The following NUMA1 variants were observed in gnomAD, a reference collection of about 807,000 sequenced individuals.
NUMA1 encodes the protein SP-H antigen.
In NUMA1, 62 loss-of-function variants were observed where a neutral mutation model predicts 237.1. The ratio of observed to expected loss-of-function variants is 0.26; its 90% CI spans 0.21 to 0.32. The LOEUF (loss-of-function observed/expected upper bound fraction) is 0.32. Among genes scored for constraint, NUMA1 ranks in the 10% least tolerant of loss-of-function variants. The pLI is 1.00. For synonymous variants in NUMA1, 1,028 were observed against 1,066.1 expected (o/e 0.96, Z 0.70); for missense variants, 2,533 against 2,666.5 (o/e 0.95, Z 1.10).
chr11:72,033,529 C>T (rs1377453943), intron 3 of NUMA1, among the ~76,000 whole-genome samples: 2 of 152,066 alleles, frequency 1.3e-5, no homozygotes, highest in Non-Finnish European at 2.9e-5. Context: ...CACACCACCA[C>T]ACCCAGCTAA....
chr11:72,073,294 G>A (rs952854068), intron 1 of NUMA1, among the ~76,000 whole-genome samples: 5 of 147,412 alleles, frequency 3.4e-5, no homozygotes, highest in South Asian at 2.1e-4. Context: ...GTGACAGAGC[G>A]AGACCCTGTC....
chr11:72,002,902 AT>A lies in NUMA1; in HGVS notation c.*624del, dbSNP rs1955356167. ...ATAGACTTTATTTACAAGTAATAAC[AT>A]TTAGAAAAGATCCATCCCCGGCCCT... On this transcript the variant is annotated 3_prime_UTR_variant, in exon 27 of 27. Transcript: ENST00000393695. 8.7e-6 allele frequency: 2 copies of A among 229,286 alleles called. No homozygotes were observed. Among genetic ancestry groups the A allele is most frequent in the East Asian group, 1.2e-4 (2 of 16,066 alleles). 14.2% of individuals were successfully genotyped at this position (229,286 alleles called of 1,614,324 possible).
intron 9 of NUMA1, 106 bp from the exon 10 acceptor site, chr11:72,019,086 G>GC: frequency 7.9e-7 from 1 of 1,259,792 alleles, no homozygotes; most frequent in Non-Finnish European, 1.1e-6. Flanking sequence ...CGCACTAGCA[G>GC]CTGGGAGGCC....
chr11:72,046,681 C>T (rs1157487803), intron 2 of NUMA1, among the ~76,000 whole-genome samples: 1 of 151,962 alleles, frequency 6.6e-6, no homozygotes, highest in Non-Finnish European at 1.5e-5. Flanking sequence ...GTAGGGAGGG[C>T]TGGGCACAGT....
chr11:72,073,306 CAA>C (rs58179034), intron 1 of NUMA1, among the ~76,000 whole-genome samples: 44 of 69,212 alleles, frequency 6.4e-4, no homozygotes, highest in East Asian at 1.4e-3. Flanking sequence ...GACCCTGTCT[CAA>C]AAAAAAAAAA....
intron 2 of NUMA1, chr11:72,040,746 A>C (rs1199241063): frequency 6.6e-6 from 1 of 152,154 alleles, no homozygotes; most frequent in Non-Finnish European, 1.5e-5. Context: ...TTTGCTCTGA[A>C]AGGCGCCAAC....
rs1329041973 is a variant in NUMA1, at chr11:72,063,510, G to A, written c.-33+6332C>T. ...GGAGTTCAAGACCAGCAATCTTCTCGCCTCAGCCTCCCAAAGTGCTGGTGC... is the reference window on the plus strand; with the variant it reads ...GGAGTTCAAGACCAGCAATCTTCTCACCTCAGCCTCCCAAAGTGCTGGTGC... On this transcript the variant is annotated intron_variant, in intron 2 of 26. Transcript: ENST00000393695. Among the ~76,000 whole-genome samples, 11 of 149,644 alleles carry A rather than the reference G, an allele frequency of 7.4e-5. 1 individual carries two copies. The highest frequency in any genetic ancestry group is 1.6e-4 in the Non-Finnish European group (11 of 67,750).
At chr11:72,052,218 G>C (rs554851243) in intron 2 of NUMA1, among the ~76,000 whole-genome samples, 1 of 152,286 alleles carries the variant, frequency 6.6e-6, no homozygotes, top group African/African-American at 2.4e-5. Flanking sequence ...TTCATGGAAA[G>C]ATTTCAGAAC....
intron 2 of NUMA1, chr11:72,068,622 A>G (rs547208): frequency 0.89 from 133,011 of 150,226 alleles, 59,150 homozygotes; most frequent in Non-Finnish European, 0.94. Flanking sequence ...CCCTGTCTGG[A>G]AAAAAAAAAG....
At chr11:72,020,441 G>C (rs1938607553) in intron 8 of NUMA1, 2 of 152,242 alleles carry the variant, frequency 1.3e-5, no homozygotes, top group Admixed American at 1.3e-4. Context: ...AAGACCAGCA[G>C]AACGATCACT....
At chr11:72,050,083 C>A (rs999746713) in intron 2 of NUMA1, among the ~76,000 whole-genome samples, 7 of 152,120 alleles carry the variant, frequency 4.6e-5, no homozygotes, top group Admixed American at 1.3e-4. Context: ...GGAGGAGGTC[C>A]TTGGAAACTG....
intron 2 of NUMA1, among the ~76,000 whole-genome samples, chr11:72,063,631 A>G (rs1173865276): frequency 8.1e-6 from 1 of 123,930 alleles, no homozygotes; most frequent in African/African-American, 2.9e-5. Flanking sequence ...AAAAAAAAAA[A>G]GCTGGCTGGG....
chr11:72,014,497 C>T lies in NUMA1; in HGVS notation c.3006G>A (p.Gln1002=). 6.2e-7 allele frequency: 1 copy of T among 1,601,992 alleles called. No individual in the cohort carries two copies. Among genetic ancestry groups the T allele is most frequent in the Non-Finnish European group, 8.5e-7 (1 of 1,179,944 alleles). ...GGGTCAGCCGCGCCACCTCCCTTTC[C>T]TGCTGCCCACGCTCCTCCTGCTGCT... The part of the protein sequence containing the change: ...QGQQQEERGQ[Q]EREVARLTQE... Residue 1002 remains glutamine (Q), a synonymous_variant, in exon 15 of 27, where the codon CAG becomes CAA. Coordinates refer to ENST00000393695, the MANE Select transcript of NUMA1 (RefSeq NM_006185.4). The surrounding 1 kb of genome is among the most constrained non-coding windows in gnomAD (Gnocchi z 4.6).
intron 2 of NUMA1, among the ~76,000 whole-genome samples, chr11:72,063,695 T>C (rs182330714): frequency 7.3e-5 from 11 of 150,324 alleles, no homozygotes; most frequent in Non-Finnish European, 1.0e-4. Flanking sequence ...GGTAGGAGGA[T>C]TGCTTGAGCC....
In NUMA1 at chr11:72,014,479, C is replaced by T; in HGVS notation, c.3024G>A (p.Arg1008=). 6.2e-7 allele frequency: 1 copy of T among 1,602,584 alleles called. No homozygotes were observed. Residue 1008 remains arginine (R), a synonymous_variant, in exon 15 of 27, where the codon CGG becomes CGA. Transcript: ENST00000393695. This position sits in a 1 kb window ranked among gnomAD's most constrained non-coding sequence, Gnocchi z 4.6. ...GGGCACGGCCCCGCTCCTGGGTCAG[C>T]CGCGCCACCTCCCTTTCCTGCTGCC... ...ERGQQEREVA[R]LTQERGRAQA...
intron 3 of NUMA1, among the ~76,000 whole-genome samples, chr11:72,033,338 C>T (rs1739256142): frequency 6.9e-6 from 1 of 144,414 alleles, no homozygotes; most frequent in Non-Finnish European, 1.5e-5. Flanking sequence ...TATAACTATA[C>T]TTTAACATTT....
intron 2 of NUMA1, among the ~76,000 whole-genome samples, chr11:72,052,888 C>T (rs1942445656): frequency 6.6e-6 from 1 of 152,128 alleles, no homozygotes; most frequent in Non-Finnish European, 1.5e-5. Context: ...AGGGGAGCAG[C>T]ATGATCAGGG....
intron 1 of NUMA1, among the ~76,000 whole-genome samples, chr11:72,079,620 G>C (rs1943947770): frequency 6.6e-6 from 1 of 151,904 alleles, no homozygotes; most frequent in Non-Finnish European, 1.5e-5. Flanking sequence ...AACCCAGTGG[G>C]CTCCCGCCCA....
intron 2 of NUMA1, among the ~76,000 whole-genome samples, chr11:72,055,427 G>A (rs1942582681): frequency 6.6e-6 from 1 of 151,938 alleles, no homozygotes; most frequent in African/African-American, 2.4e-5. Context: ...TCCTAATCTG[G>A]GGCTCTTTCC....
Sources: allele counts gnomAD v4.1 joint callset (sites outside exome capture counted in the v4.1 genomes callset), GRCh38; gene constraint gnomAD v4.1.1; non-coding constraint Gnocchi (gnomAD v3.1); transcripts MANE v1.5; gene names NCBI Gene and HGNC (gene_info 2026-07-23, HGNC 2026-07-21).